Variants in SCP2 observed in about 807,000 individuals in gnomAD.
SCP2 encodes the protein sterol carrier protein 2.
In SCP2, 48 loss-of-function variants were observed where a neutral mutation model predicts 71.4. The ratio of observed to expected loss-of-function variants is 0.67; its 90% CI spans 0.53 to 0.86. The LOEUF is 0.86. SCP2 is among the 40% of genes least tolerant of loss of function. The pLI is 0.00. For synonymous variants in SCP2, 220 were observed against 218.1 expected (o/e 1.01, Z -0.08); for missense variants, 560 against 655.6 (o/e 0.85, Z 1.59).
rs115623840 is a variant in SCP2, at chr1:52,997,477, G to C, written c.1081+9341G>C. On this transcript the variant is annotated intron_variant, in intron 11 of 15. Coordinates refer to ENST00000371514, the MANE Select transcript of SCP2 (RefSeq NM_002979.5). ...CAAAATGTGGTATATTTATACTATGGAATATTTTTTGGCCATGAAAGGAAT... is the reference window on the plus strand; with the variant it reads ...CAAAATGTGGTATATTTATACTATGCAATATTTTTTGGCCATGAAAGGAAT... Among the ~76,000 whole-genome samples the C allele has an allele frequency of 6.3e-3, 954 of 152,282 alleles. 16 individuals carry two copies. The highest frequency in any genetic ancestry group is 0.022 in the African/African-American group (917 of 41,558).
At chr1:52,964,489 C>T (rs368528622) in intron 6 of SCP2, among the ~76,000 whole-genome samples, 2 of 151,668 alleles carry the variant, frequency 1.3e-5, no homozygotes, top group South Asian at 2.1e-4. Context: ...TGTGAGCCAC[C>T]GTGCCTGGCC....
chr1:52,964,789 C>T (rs1018459185), intron 6 of SCP2, among the ~76,000 whole-genome samples: 1 of 151,998 alleles, frequency 6.6e-6, no homozygotes, highest in African/African-American at 2.4e-5. Flanking sequence ...CCAAGGCGGA[C>T]GGATCCTGAG....
chr1:52,927,815 AC>A (rs1316908319), intron 1 of SCP2, among the ~76,000 whole-genome samples: 2 of 152,088 alleles, frequency 1.3e-5, no homozygotes, highest in Non-Finnish European at 2.9e-5. Flanking sequence ...CCTCCCAGGA[AC>A]AGCCCCCACA....
chr1:53,016,887 G>T (rs1287863796), intron 12 of SCP2, among the ~76,000 whole-genome samples: 3 of 152,184 alleles, frequency 2.0e-5, no homozygotes, highest in Non-Finnish European at 4.4e-5. Flanking sequence ...AGCTGGTGGT[G>T]GAGAGACCAG....
chr1:53,017,621 C>T (rs1369860337), intron 12 of SCP2, among the ~76,000 whole-genome samples: 1 of 152,132 alleles, frequency 6.6e-6, no homozygotes, highest in Non-Finnish European at 1.5e-5. Flanking sequence ...GGATTATTCC[C>T]ATTTTCTTTT....
chr1:52,990,599 T>C (rs2150191102), intron 11 of SCP2, among the ~76,000 whole-genome samples: 2 of 151,538 alleles, frequency 1.3e-5, no homozygotes, highest in African/African-American at 4.8e-5. Context: ...CCAGGCGTGG[T>C]GGCGGGCGCC....
At chr1:52,976,895 C>G in intron 8 of SCP2, 126 bp downstream of exon 8, 3 of 668,564 alleles carry the variant, frequency 4.5e-6, no homozygotes, top group Non-Finnish European at 8.2e-6. Flanking sequence ...CCAGTGCCGT[C>G]CCCACTCTGG....
intron 6 of SCP2, 81 bp from the exon 7 acceptor site, chr1:52,974,688 A>C: frequency 1.3e-6 from 1 of 794,388 alleles, no homozygotes; most frequent in African/African-American, 1.7e-5. Context: ...TATTTAGCAG[A>C]ACACTGAGTA....
intron 6 of SCP2, among the ~76,000 whole-genome samples, chr1:52,966,479 C>T (rs1172642835): frequency 6.6e-6 from 1 of 151,900 alleles, no homozygotes; most frequent in African/African-American, 2.4e-5. Flanking sequence ...CTGTTTTTAA[C>T]ATGGAATTAG....
intron 1 of SCP2, among the ~76,000 whole-genome samples, chr1:52,933,451 C>A (rs948595494): frequency 2.0e-5 from 3 of 151,926 alleles, no homozygotes; most frequent in South Asian, 2.1e-4. Context: ...AGAAAAAAAA[C>A]CCCATCAGGT....
intron 5 of SCP2, among the ~76,000 whole-genome samples, chr1:52,960,511 T>TATATAC (rs1656259656): frequency 6.7e-6 from 1 of 149,886 alleles, no homozygotes; most frequent in African/African-American, 2.5e-5. Flanking sequence ...TGTGTGTGTG[T>TATATAC]GTGTGTGTAT....
intron 14 of SCP2, among the ~76,000 whole-genome samples, chr1:53,039,994 A>G (rs1294773484): frequency 6.6e-6 from 1 of 152,068 alleles, no homozygotes; most frequent in African/African-American, 2.4e-5. Context: ...CCTGTGTCCT[A>G]CTGGTTCCTT....
At chr1:53,023,131 T>A (rs78611702) in intron 12 of SCP2, among the ~76,000 whole-genome samples, 1 of 152,138 alleles carries the variant, frequency 6.6e-6, no homozygotes, top group African/African-American at 2.4e-5. Context: ...TTTTAAGGAA[T>A]GAGGGGTTTT....
At chr1:52,936,537 C>T (rs1271027016) in intron 1 of SCP2, among the ~76,000 whole-genome samples, 1 of 152,186 alleles carries the variant, frequency 6.6e-6, no homozygotes, top group East Asian at 1.9e-4. Context: ...CATTCAACTA[C>T]ATGAGTATGC....
chr1:53,045,728 A>C (rs769129535), intron 14 of SCP2, among the ~76,000 whole-genome samples: 12 of 152,200 alleles, frequency 7.9e-5, no homozygotes, highest in Non-Finnish European at 1.5e-4. Flanking sequence ...ATAAACAATA[A>C]AATCAACCCT....
chr1:52,988,194 G>T, intron 11 of SCP2, 58 bp downstream of exon 11: 1 of 864,726 alleles, frequency 1.2e-6, no homozygotes, highest in South Asian at 1.4e-5. Context: ...AAGTGTGAAT[G>T]AGTTAGTCTT....
rs142890854 is a variant in SCP2 at position 52,995,665 on chromosome 1, T to C, written c.1081+7529T>C. The C allele has an allele frequency of 3.2e-3, 2,204 of 696,346 alleles. 40 individuals carry two copies. In the African/African-American group the frequency reaches 0.035, roughly 11 times the overall value. 43.1% of individuals were successfully genotyped at this position (696,346 alleles called of 1,614,324 possible). On this transcript the variant is annotated intron_variant, in intron 11 of 15. Coordinates refer to ENST00000371514, the MANE Select transcript of SCP2 (RefSeq NM_002979.5). ...CGTGGCTGCTGTCTTTGTGGATGGATGTCCATGAGCAGTTGCTCAACGTGC... is the reference window on the plus strand; with the variant it reads ...CGTGGCTGCTGTCTTTGTGGATGGACGTCCATGAGCAGTTGCTCAACGTGC...
At chr1:52,978,133 C>T in intron 8 of SCP2, 84 bp from the exon 9 acceptor site, 1 of 1,361,556 alleles carries the variant, frequency 7.3e-7, no homozygotes, top group Non-Finnish European at 1.0e-6. Flanking sequence ...TTTGGCCTTT[C>T]CTTTCACATA....
intron 1 of SCP2, chr1:52,928,864 G>C (rs755805305): frequency 1.9e-5 from 3 of 154,398 alleles, no homozygotes; most frequent in Non-Finnish European, 2.9e-5. Flanking sequence ...CAGAAGGGGA[G>C]GCTTCTAACA....
Sources: allele counts gnomAD v4.1 joint callset (sites outside exome capture counted in the v4.1 genomes callset), GRCh38; gene constraint gnomAD v4.1.1; transcripts MANE v1.5; gene names NCBI Gene and HGNC (gene_info 2026-07-23, HGNC 2026-07-21).